CACNA1D: variants seen among roughly 807,000 people sequenced by gnomAD.
CACNA1D encodes the protein calcium voltage-gated channel subunit alpha1 D.
CACNA1D carries 55 observed loss-of-function variants against 257.1 expected under a neutral mutation model. That is an observed-to-expected ratio of 0.21 (90% CI 0.17 to 0.27). The LOEUF (loss-of-function observed/expected upper bound fraction) is 0.27, where lower values mean the gene tolerates loss of function less well. Ranked by LOEUF, CACNA1D falls within the 10% of genes least tolerant of loss-of-function variation. CACNA1D has a pLI of 1.00. For synonymous variants in CACNA1D, 980 were observed against 1,014.9 expected (o/e 0.97, Z 0.65); for missense variants, 1,876 against 2,784.0 (o/e 0.67, Z 7.34).
chr3:53,606,646 G>T (rs1368231164), intron 3 of CACNA1D, among the ~76,000 whole-genome samples: 1 of 152,192 alleles, frequency 6.6e-6, no homozygotes, highest in Non-Finnish European at 1.5e-5. Context: ...CAGTGCTTGA[G>T]AAAGGGATAG....
At chr3:53,500,542 C>T (rs1280940696) in intron 2 of CACNA1D, among the ~76,000 whole-genome samples, 7 of 151,896 alleles carry the variant, frequency 4.6e-5, no homozygotes, top group Admixed American at 2.0e-4. Flanking sequence ...ATAGTCTGTT[C>T]GTATGCTCCA....
intron 29 of CACNA1D, among the ~76,000 whole-genome samples, chr3:53,755,581 A>T (rs756810560): frequency 3.3e-5 from 5 of 152,280 alleles, no homozygotes; most frequent in Admixed American, 6.5e-5. Context: ...TGGAAATTGT[A>T]CTGCTTGTAG....
At chr3:53,722,292 G>A in intron 11 of CACNA1D, 22 bp from the exon 12 acceptor site, 2 of 1,613,656 alleles carry the variant, frequency 1.2e-6, no homozygotes, top group Non-Finnish European at 1.7e-6. Context: ...CATCTACGTA[G>A]TAATGTTTGC....
At chr3:53,581,171 T>G (rs1225898507) in intron 3 of CACNA1D, among the ~76,000 whole-genome samples, 4 of 152,234 alleles carry the variant, frequency 2.6e-5, no homozygotes, top group Admixed American at 6.5e-5. Context: ...TGTACATGTG[T>G]GAGGACTTTG....
At chr3:53,582,942 A>G (rs2093156556) in intron 3 of CACNA1D, among the ~76,000 whole-genome samples, 1 of 152,162 alleles carries the variant, frequency 6.6e-6, no homozygotes, top group African/African-American at 2.4e-5. Flanking sequence ...TACCCTTGAA[A>G]GTGTAGGAGG....
intron 9 of CACNA1D, among the ~76,000 whole-genome samples, chr3:53,708,218 CTG>C (rs549904430): frequency 3.9e-5 from 6 of 152,244 alleles, no homozygotes; most frequent in Non-Finnish European, 8.8e-5. Flanking sequence ...TTTTGAAAGA[CTG>C]TGTTTTGAAA....
chr3:53,736,903 A>G (rs1237971682), intron 20 of CACNA1D, among the ~76,000 whole-genome samples: 4 of 151,728 alleles, frequency 2.6e-5, no homozygotes, highest in African/African-American at 7.3e-5. Flanking sequence ...AAAAAAAAAA[A>G]ACAAAAAGAA....
chr3:53,792,255 G>A (rs2095487120), intron 40 of CACNA1D: 1 of 152,118 alleles, frequency 6.6e-6, no homozygotes, highest in Admixed American at 6.6e-5. Context: ...GCAGATTTTT[G>A]CCCAAGATGT....
rs1386123687 is a variant in CACNA1D at position 53,777,092 on chromosome 3, C to T, written c.4587+136C>T. 4.1e-6 allele frequency: 3 copies of T among 730,372 alleles called. No homozygotes were observed. The East Asian group carries it at 8.0e-5, about 20-fold the overall frequency. 45.2% of individuals were successfully genotyped at this position (730,372 alleles called of 1,614,324 possible). The stretch of plus-strand genomic sequence containing the variant: ...GCAATGAATAATATGTGGTTCCTAC[C>T]TCTGGGGAAATCTCAGATTTGTAAC... On this transcript the variant is annotated intron_variant, in intron 37 of 47. Coordinates refer to ENST00000350061, the MANE Select transcript of CACNA1D (RefSeq NM_001128840.3).
At chr3:53,796,948 T>C (rs2095510236) in intron 40 of CACNA1D, among the ~76,000 whole-genome samples, 1 of 152,234 alleles carries the variant, frequency 6.6e-6, no homozygotes, top group South Asian at 2.1e-4. Flanking sequence ...GCTTTAATTG[T>C]GTTGGTTTAA....
At chr3:53,597,514 C>T (rs1460572962) in intron 3 of CACNA1D, among the ~76,000 whole-genome samples, 1 of 152,194 alleles carries the variant, frequency 6.6e-6, no homozygotes. Flanking sequence ...CTGACTTTGC[C>T]TATTTGGATT....
intron 4 of CACNA1D, among the ~76,000 whole-genome samples, chr3:53,653,005 C>T: frequency 6.6e-6 from 1 of 152,168 alleles, no homozygotes; most frequent in East Asian, 1.9e-4. Flanking sequence ...AATCCCAGCA[C>T]TTTGGGAGGC....
Position 53,723,810 on chromosome 3 carries a change from C to A in CACNA1D, c.1911C>A (p.Ser637Arg). 6.2e-7 allele frequency: 1 copy of A among 1,614,008 alleles called. No homozygotes were observed. Among genetic ancestry groups the A allele is most frequent in the Non-Finnish European group, 8.5e-7 (1 of 1,179,840 alleles). ...CTTATAGGCACTGGACTTCCCTGAG[C>A]AACTTAGTGGCATCCTTATTAAACT... ...FKVTRHWTSL[S>R]NLVASLLNSM... Residue 637 changes from serine to arginine, a missense_variant, in exon 14 of 48, where the codon AGC (serine) becomes AGA (arginine). Ser to Arg is a moderately radical substitution (Grantham distance 110). This residue lies in a region of CACNA1D where 257 missense variants were observed against 399.7 expected (regional missense o/e 0.64). Transcript: ENST00000350061. The surrounding 1 kb of genome is among the most constrained non-coding windows in gnomAD (Gnocchi z 5.6).
chr3:53,705,466 C>T (rs2094677611), intron 9 of CACNA1D, among the ~76,000 whole-genome samples: 1 of 152,202 alleles, frequency 6.6e-6, no homozygotes, highest in Non-Finnish European at 1.5e-5. Flanking sequence ...GTCTTGGGAA[C>T]ATCAGCAGTA....
intron 7 of CACNA1D, among the ~76,000 whole-genome samples, chr3:53,667,088 C>A (rs1480800982): frequency 6.6e-6 from 1 of 152,126 alleles, no homozygotes; most frequent in African/African-American, 2.4e-5. Flanking sequence ...ATAAATCATC[C>A]CAGCACAAAA....
chr3:53,791,656 C>A (rs1011347189), intron 40 of CACNA1D: 2 of 152,502 alleles, frequency 1.3e-5, no homozygotes, highest in African/African-American at 4.8e-5. Context: ...TCAGATACAC[C>A]CATTGAAACT....
At chr3:53,548,791 C>T (rs1452156050) in intron 3 of CACNA1D, among the ~76,000 whole-genome samples, 1 of 152,182 alleles carries the variant, frequency 6.6e-6, no homozygotes, top group African/African-American at 2.4e-5. Flanking sequence ...TTTGCATAAA[C>T]GTTCCCATTT....
At chr3:53,764,674 G>A (rs371429694) in intron 30 of CACNA1D, among the ~76,000 whole-genome samples, 22 of 152,306 alleles carry the variant, frequency 1.4e-4, no homozygotes, top group African/African-American at 4.8e-4. Context: ...TGCTCCTCCC[G>A]CTGCCCCTGT....
At chr3:53,555,630 T>C (rs374104158) in intron 3 of CACNA1D, among the ~76,000 whole-genome samples, 91 of 152,140 alleles carry the variant, frequency 6.0e-4, no homozygotes, top group African/African-American at 2.1e-3. Flanking sequence ...TCATTCTCAA[T>C]CATGGTCCAT....
Sources: allele counts gnomAD v4.1 joint callset (sites outside exome capture counted in the v4.1 genomes callset), GRCh38; gene constraint gnomAD v4.1.1; regional missense constraint gnomAD v4.1.1; non-coding constraint Gnocchi (gnomAD v3.1); transcripts MANE v1.5; gene names NCBI Gene and HGNC (gene_info 2026-07-23, HGNC 2026-07-21).